Variants in RC3H2 observed in about 807,000 individuals in gnomAD.
RC3H2 encodes the protein ring finger and CCCH-type domains 2.
In RC3H2, 31 loss-of-function variants were observed where a neutral mutation model predicts 133.3. The observed-to-expected ratio is 0.23, with a 90% confidence interval of 0.17 to 0.31. The LOEUF (loss-of-function observed/expected upper bound fraction) is 0.31, where lower values mean the gene tolerates loss of function less well. Among genes scored for constraint, RC3H2 ranks in the 10% least tolerant of loss-of-function variants. The probability of loss-of-function intolerance (pLI) is 1.00; values close to 1 mark genes in which losing one functional copy is unlikely to be tolerated. For synonymous variants in RC3H2, 517 were observed against 502.2 expected (o/e 1.03, Z -0.40); for missense variants, 1,175 against 1,437.2 (o/e 0.82, Z 2.95).
chr9:122,895,543 T>C (rs1216541427), intron 2 of RC3H2, among the ~76,000 whole-genome samples: 1 of 152,192 alleles, frequency 6.6e-6, no homozygotes, highest in Admixed American at 6.5e-5. Context: ...CAACATTTTA[T>C]ACTCCATTAA....
intron 11 of RC3H2, 112 bp from the exon 12 acceptor site, chr9:122,859,214 C>A (rs1049306628): frequency 4.3e-5 from 33 of 772,452 alleles, no homozygotes; most frequent in Non-Finnish European, 6.0e-5. Context: ...AAGCTTTGAA[C>A]CTTACCTTAC....
chr9:122,859,188 T>G lies in RC3H2; in HGVS notation c.1850-86A>C. On this transcript the variant is annotated intron_variant, in intron 11 of 20. Coordinates refer to ENST00000357244, the MANE Select transcript of RC3H2 (RefSeq NM_001100588.3). ...GGCTTAAATCTAAGGCAGCCCTTAA[T>G]GTAGGAAAATATAATAAGCTTTGAA... 3 of 1,093,370 alleles carry G rather than the reference T, an allele frequency of 2.7e-6. No homozygotes were observed. The South Asian group carries it at 5.5e-5, about 20-fold the overall frequency. The allele number at this position is 1,093,370 out of a possible 1,614,324, so 67.7% of individuals were successfully genotyped here.
chr9:122,867,457 G>C (rs376885100), intron 9 of RC3H2, among the ~76,000 whole-genome samples: 1 of 149,224 alleles, frequency 6.7e-6, no homozygotes, highest in Non-Finnish European at 1.5e-5. Context: ...GGAGGGAGGT[G>C]GGGGGGTCAG....
rs1261029712 is a variant in RC3H2 at position 122,905,239 on chromosome 9, G to T, written c.-197C>A. 1.0e-6 allele frequency: 1 copy of T among 985,392 alleles called. No homozygotes were observed. Among genetic ancestry groups the T allele is most frequent in the Non-Finnish European group, 1.2e-6 (1 of 829,934 alleles). 61.0% of individuals were successfully genotyped at this position (985,392 alleles called of 1,614,324 possible). Reference sequence around the variant, plus strand: ...AGGTTTCACGACCTCAAACTCCATCGGGAGCTACAGGGACAGCCCCGTTGG... The same window carrying T: ...AGGTTTCACGACCTCAAACTCCATCTGGAGCTACAGGGACAGCCCCGTTGG... On this transcript the variant is annotated 5_prime_UTR_variant, in exon 1 of 21. Coordinates refer to ENST00000357244, the MANE Select transcript of RC3H2 (RefSeq NM_001100588.3).
intron 3 of RC3H2, among the ~76,000 whole-genome samples, chr9:122,892,064 C>T (rs1290313334): frequency 2.6e-5 from 4 of 151,772 alleles, no homozygotes; most frequent in Non-Finnish European, 5.9e-5. Context: ...CACTATTACA[C>T]AGTGAATTCA....
intron 4 of RC3H2, among the ~76,000 whole-genome samples, chr9:122,887,128 A>G (rs1252023634): frequency 6.6e-6 from 1 of 152,214 alleles, no homozygotes; most frequent in Non-Finnish European, 1.5e-5. Context: ...AACAGCCACA[A>G]ATAATTCTTG....
chr9:122,861,444 C>T (rs1830450932), intron 10 of RC3H2, among the ~76,000 whole-genome samples: 1 of 146,566 alleles, frequency 6.8e-6, no homozygotes, highest in South Asian at 2.1e-4. Context: ...GAGCCGAGAT[C>T]ACGCCATTGC....
chr9:122,898,186 T>C (rs188248271), intron 1 of RC3H2: 1 of 152,286 alleles, frequency 6.6e-6, no homozygotes, highest in East Asian at 1.9e-4. Flanking sequence ...AAGAGAGCTG[T>C]TTGTTCATAA....
intron 3 of RC3H2, 96 bp from the exon 4 acceptor site, chr9:122,890,641 CTAA>C: frequency 1.2e-6 from 1 of 825,174 alleles, no homozygotes; most frequent in Non-Finnish European, 1.9e-6. Context: ...GCCACAATTC[CTAA>C]TGAGTCCCTT....
rs181888047 is a variant in RC3H2 at position 122,853,480 on chromosome 9, G to A, written c.3117+472C>T. Reference sequence around the variant, plus strand: ...AAAATCCCAATGATCAGCCAGGCACGGGGGCTCACACCTGTAATCCTAGCA... The same window carrying A: ...AAAATCCCAATGATCAGCCAGGCACAGGGGCTCACACCTGTAATCCTAGCA... On this transcript the variant is annotated intron_variant, in intron 18 of 20. Coordinates refer to ENST00000357244, the MANE Select transcript of RC3H2 (RefSeq NM_001100588.3). Among the ~76,000 whole-genome samples, 27 of 152,128 alleles carry A rather than the reference G, an allele frequency of 1.8e-4. No homozygotes were observed. The South Asian group carries it at 4.1e-3, about 23-fold the overall frequency.
chr9:122,866,907 T>A (rs987133346), intron 9 of RC3H2, among the ~76,000 whole-genome samples: 18 of 143,364 alleles, frequency 1.3e-4, no homozygotes, highest in Non-Finnish European at 2.6e-4. Flanking sequence ...GGCTGCCCAG[T>A]CTGGAAAGTG....
intron 9 of RC3H2, among the ~76,000 whole-genome samples, chr9:122,869,693 C>T (rs1830978295): frequency 6.6e-6 from 1 of 151,384 alleles, no homozygotes; most frequent in East Asian, 1.9e-4. Flanking sequence ...CTCTGGAGTA[C>T]AGGTGCACAT....
intron 15 of RC3H2, among the ~76,000 whole-genome samples, 179 bp from the exon 16 acceptor site, chr9:122,854,794 A>G (rs1227779673): frequency 6.6e-6 from 1 of 152,190 alleles, no homozygotes; most frequent in Non-Finnish European, 1.5e-5. Flanking sequence ...CCATTTCACA[A>G]GTTGGGGATT....
At chr9:122,878,052 A>C (rs931561514) in intron 8 of RC3H2, among the ~76,000 whole-genome samples, 3 of 152,212 alleles carry the variant, frequency 2.0e-5, no homozygotes, top group South Asian at 4.1e-4. Context: ...TCTCAGGCTT[A>C]AACTATTTGA....
intron 2 of RC3H2, among the ~76,000 whole-genome samples, chr9:122,893,704 A>C (rs1832293413): frequency 6.6e-6 from 1 of 152,328 alleles, no homozygotes; most frequent in East Asian, 1.9e-4. Flanking sequence ...AGTCTGAAAG[A>C]ATTTCAAAAT....
chr9:122,867,873 A>C (rs1278107790), intron 9 of RC3H2, among the ~76,000 whole-genome samples: 1 of 64,106 alleles, frequency 1.6e-5, no homozygotes, highest in South Asian at 7.6e-4. Flanking sequence ...CCCGGCAGCC[A>C]CCCCGTCCGG....
chr9:122,856,395 G>A (rs1461541274), intron 13 of RC3H2, among the ~76,000 whole-genome samples: 1 of 152,186 alleles, frequency 6.6e-6, no homozygotes, highest in African/African-American at 2.4e-5. Flanking sequence ...TGGGACTATA[G>A]GCACACGCCA....
In RC3H2 at chr9:122,893,029, TAAA is replaced by T. The variant is rs747020595; in HGVS notation, c.232-6_232-4del. 6.0e-4 allele frequency: 887 copies of T among 1,472,232 alleles called. No homozygotes were observed. Among genetic ancestry groups the T allele is most frequent in the South Asian group, 1.5e-3 (116 of 79,714 alleles). The allele number at this position is 1,472,232 out of a possible 1,614,324, so 91.2% of individuals were successfully genotyped here. A position where few individuals can be genotyped will look rare whatever the true frequency, so the allele number is the denominator to read the frequency against. On this transcript the variant is annotated splice_region_variant and splice_polypyrimidine_tract_variant and intron_variant, in intron 2 of 20. Coordinates refer to ENST00000357244, the MANE Select transcript of RC3H2 (RefSeq NM_001100588.3). Reference sequence around the variant, plus strand: ...TTAATTGACTGATGATCTGGTACCTTAAAAAAAAAAAAAAAGGAATATTGCAGA... The same window carrying T: ...TTAATTGACTGATGATCTGGTACCTTAAAAAAAAAAAAGGAATATTGCAGA...
intron 16 of RC3H2, 102 bp from the exon 17 acceptor site, chr9:122,854,368 T>G (rs914051943): frequency 4.8e-5 from 59 of 1,223,826 alleles, no homozygotes; most frequent in Non-Finnish European, 6.9e-5. Flanking sequence ...CCTGAAAACT[T>G]CACTCATCGT....
Sources: gnomAD v4.1 joint callset for allele counts (sites outside exome capture counted in the v4.1 genomes callset) on GRCh38, gnomAD v4.1.1 for gene constraint, MANE v1.5 for transcripts, NCBI Gene and HGNC (gene_info 2026-07-23, HGNC 2026-07-21) for gene names.